KIRREL3: variants seen among roughly 807,000 people sequenced by gnomAD.
KIRREL3 encodes kirre like nephrin family adhesion molecule 3, also known as kin of IRRE-like protein 3.
A neutral mutation model predicts 89.7 loss-of-function variants in KIRREL3; 36 were observed. The observed-to-expected ratio is 0.40, with a 90% CI of 0.31 to 0.53. The LOEUF is 0.53. Ranked by LOEUF, KIRREL3 falls within the 20% of genes least tolerant of loss-of-function variation. The pLI is 0.49. For synonymous variants in KIRREL3, 445 were observed against 441.4 expected, an observed-to-expected ratio of 1.01 and a Z score of -0.10; for missense variants, 864 against 1,056.6, an observed-to-expected ratio of 0.82 and a Z score of 2.53.
intron 1 of KIRREL3, among the ~76,000 whole-genome samples, chr11:126,827,423 ACCT>A (rs1304647371): frequency 6.6e-6 from 1 of 152,020 alleles, no homozygotes; most frequent in African/African-American, 2.4e-5. Flanking sequence ...TGATTCATCC[ACCT>A]CAGCCTCCCA....
chr11:126,850,997 T>C (rs981004732), intron 1 of KIRREL3, among the ~76,000 whole-genome samples: 1 of 152,178 alleles, frequency 6.6e-6, no homozygotes, highest in Non-Finnish European at 1.5e-5. Context: ...GCACTAGCTG[T>C]TGAAAGTTCA....
intron 1 of KIRREL3, among the ~76,000 whole-genome samples, chr11:126,932,344 C>T (rs762877042): frequency 3.3e-5 from 5 of 152,102 alleles, no homozygotes; most frequent in South Asian, 2.1e-4. Flanking sequence ...AGTGTCTTTA[C>T]GGAGGTTTTC....
At chr11:126,567,913 G>T (rs139339317) in intron 1 of KIRREL3, among the ~76,000 whole-genome samples, 24 of 152,222 alleles carry the variant, frequency 1.6e-4, no homozygotes, top group African/African-American at 5.8e-4. Flanking sequence ...CATTTCTGAG[G>T]CCATCAAGTG....
chr11:126,517,374 C>G (rs988325359), intron 4 of KIRREL3, among the ~76,000 whole-genome samples: 1 of 152,164 alleles, frequency 6.6e-6, no homozygotes, highest in African/African-American at 2.4e-5. Flanking sequence ...TACTTCCTGG[C>G]CCAGGGCTCT....
chr11:126,877,787 G>A lies in KIRREL3; in HGVS notation c.55+122668C>T, dbSNP rs1945345533. On this transcript the variant is annotated intron_variant, in intron 1 of 16. Transcript: ENST00000525144. This position sits in a 1 kb window ranked among gnomAD's most constrained non-coding sequence, Gnocchi z 4.9. ...GGCATGACAGGAACAATGTAACAGAGAAAGTGACATACAGTAGTATGTAAT... is the reference window on the plus strand; with the variant it reads ...GGCATGACAGGAACAATGTAACAGAAAAAGTGACATACAGTAGTATGTAAT... 6.6e-6 allele frequency among the ~76,000 whole-genome samples: 1 copy of A among 152,176 alleles called. No individual in the cohort carries two copies.
At chr11:126,962,526 G>C (rs540930559) in intron 1 of KIRREL3, among the ~76,000 whole-genome samples, 1 of 152,210 alleles carries the variant, frequency 6.6e-6, no homozygotes, top group Non-Finnish European at 1.5e-5. Flanking sequence ...ATGGATGAGC[G>C]AAGAAAGTGG....
chr11:126,598,921 G>A (rs888778177), intron 1 of KIRREL3, among the ~76,000 whole-genome samples: 1 of 152,182 alleles, frequency 6.6e-6, no homozygotes, highest in Non-Finnish European at 1.5e-5. Flanking sequence ...AAGATCACGT[G>A]GTTTTTGTGC....
At chr11:126,785,379 G>A (rs1351867319) in intron 1 of KIRREL3, among the ~76,000 whole-genome samples, 1 of 152,070 alleles carries the variant, frequency 6.6e-6, no homozygotes, top group East Asian at 1.9e-4. Context: ...CCCAAGACTG[G>A]CCCCACCTCC....
At position 126,666,157 on chromosome 11, in the gene KIRREL3, A is replaced by G. The variant is rs894374430; in HGVS notation, c.56-103245T>C. On this transcript the variant is annotated intron_variant, in intron 1 of 16. Transcript: ENST00000525144. The surrounding 1 kb of genome is among the most constrained non-coding windows in gnomAD (Gnocchi z 4.2). Reference sequence around the variant, plus strand: ...TTGAGGAACCATTAAGCATTAATAAATAAGTGCAGCAGGATCTTGGTTCCG... The same window carrying G: ...TTGAGGAACCATTAAGCATTAATAAGTAAGTGCAGCAGGATCTTGGTTCCG... Among the ~76,000 whole-genome samples the G allele has an allele frequency of 2.6e-5, 4 of 152,238 alleles. No homozygotes were observed. The highest frequency in any genetic ancestry group is 9.6e-5 in the African/African-American group (4 of 41,458).
At chr11:126,467,837 G>A (rs566941784) in intron 5 of KIRREL3, among the ~76,000 whole-genome samples, 5 of 152,294 alleles carry the variant, frequency 3.3e-5, no homozygotes, top group South Asian at 4.1e-4. Flanking sequence ...GATGAGCCTC[G>A]GCCACACCCA....
chr11:126,723,943 G>T lies in KIRREL3; in HGVS notation c.56-161031C>A, dbSNP rs1367251883. On this transcript the variant is annotated intron_variant, in intron 1 of 16. Transcript: ENST00000525144. The surrounding 1 kb of genome is among the most constrained non-coding windows in gnomAD (Gnocchi z 4.0). ...TCTTCTATTCAAGATCATAATTGCAGAAAACTAGACCAATGATCTGATTGC... is the reference window on the plus strand; with the variant it reads ...TCTTCTATTCAAGATCATAATTGCATAAAACTAGACCAATGATCTGATTGC... 6.6e-6 allele frequency among the ~76,000 whole-genome samples: 1 copy of T among 152,180 alleles called. No individual in the cohort carries two copies. The highest frequency in any genetic ancestry group is 1.5e-5 in the Non-Finnish European group (1 of 68,034).
In KIRREL3 at chr11:126,753,321, C is replaced by T. The variant is rs373391454; in HGVS notation, c.56-190409G>A. Among the ~76,000 whole-genome samples the T allele has an allele frequency of 9.9e-4, 150 of 152,284 alleles. 1 individual carries two copies. The South Asian group carries it at 0.029, about 30-fold the overall frequency. On this transcript the variant is annotated intron_variant, in intron 1 of 16. Transcript: ENST00000525144. ...GCTTCCTCTCCAATCCACAGCCAGC[C>T]AGGCCTTCCAGAACCAGACAGGAGG... is the stretch of plus-strand genomic sequence containing the variant.
chr11:126,855,719 C>T (rs533132693), intron 1 of KIRREL3, among the ~76,000 whole-genome samples: 2 of 152,360 alleles, frequency 1.3e-5, no homozygotes, highest in East Asian at 3.9e-4. Context: ...GAGAGCTTAT[C>T]CTCCTTTGCT....
chr11:126,975,707 T>C (rs1949545817), intron 1 of KIRREL3, among the ~76,000 whole-genome samples: 1 of 152,126 alleles, frequency 6.6e-6, no homozygotes, highest in African/African-American at 2.4e-5. Flanking sequence ...AATCAGACTC[T>C]CTACAAATCT....
chr11:126,971,302 C>T (rs114389860), intron 1 of KIRREL3, among the ~76,000 whole-genome samples: 2 of 152,084 alleles, frequency 1.3e-5, no homozygotes, highest in African/African-American at 4.8e-5. Context: ...CATTCAGTGC[C>T]CCAGTTTTCC....
In KIRREL3 at chr11:126,724,362, C is replaced by A. The variant is rs1412939670; in HGVS notation, c.56-161450G>T. Among the ~76,000 whole-genome samples, 1 of 152,206 alleles carries A rather than the reference C, an allele frequency of 6.6e-6. No homozygotes were observed. Among genetic ancestry groups the A allele is most frequent in the Non-Finnish European group, 1.5e-5 (1 of 68,038 alleles). On this transcript the variant is annotated intron_variant, in intron 1 of 16. Coordinates refer to ENST00000525144, the MANE Select transcript of KIRREL3 (RefSeq NM_032531.4). This position sits in a 1 kb window ranked among gnomAD's most constrained non-coding sequence, Gnocchi z 4.3. The stretch of plus-strand genomic sequence containing the variant: ...TAGTACACACGCAGATCCATGCACA[C>A]CCACACACATGCACATGCAGACTTA...
At position 126,628,655 on chromosome 11, in the gene KIRREL3, G is replaced by A. The variant is rs954927987; in HGVS notation, c.56-65743C>T. Among the ~76,000 whole-genome samples the A allele has an allele frequency of 3.3e-5, 5 of 152,180 alleles. No homozygotes were observed. The highest frequency in any genetic ancestry group is 9.7e-5 in the African/African-American group (4 of 41,446). Reference sequence around the variant, plus strand: ...TGTATCTGTTTCCTCTTTGTCCCCAGCAGAGAATAGAAACTGACTGTCATT... The same window carrying A: ...TGTATCTGTTTCCTCTTTGTCCCCAACAGAGAATAGAAACTGACTGTCATT... On this transcript the variant is annotated intron_variant, in intron 1 of 16. Coordinates refer to ENST00000525144, the MANE Select transcript of KIRREL3 (RefSeq NM_032531.4). This position sits in a 1 kb window ranked among gnomAD's most constrained non-coding sequence, Gnocchi z 5.2.
In KIRREL3 at chr11:126,555,423, G is replaced by A. The variant is rs915989930; in HGVS notation, c.133+7412C>T. On this transcript the variant is annotated intron_variant, in intron 2 of 16. Coordinates refer to ENST00000525144, the MANE Select transcript of KIRREL3 (RefSeq NM_032531.4). This position sits in a 1 kb window ranked among gnomAD's most constrained non-coding sequence, Gnocchi z 4.2. ...TCTGAAAGGAAGGATCTGGTTCTAC[G>A]GGAGCATGTGACACAGGAACTGGAT... Among the ~76,000 whole-genome samples, 2 of 152,180 alleles carry A rather than the reference G, an allele frequency of 1.3e-5. No homozygotes were observed. Among genetic ancestry groups the A allele is most frequent in the Non-Finnish European group, 2.9e-5 (2 of 68,032 alleles).
chr11:126,534,964 C>G (rs1031099366), intron 2 of KIRREL3, among the ~76,000 whole-genome samples: 13 of 152,178 alleles, frequency 8.5e-5, no homozygotes, highest in Admixed American at 7.9e-4. Context: ...ACAGCTGGCA[C>G]TGTTGCCAGT....
Sources: allele counts gnomAD v4.1 joint callset (sites outside exome capture counted in the v4.1 genomes callset), GRCh38; gene constraint gnomAD v4.1.1; non-coding constraint Gnocchi (gnomAD v3.1); transcripts MANE v1.5; gene names NCBI Gene and HGNC (gene_info 2026-07-23, HGNC 2026-07-21).